The following VTI1A variants were observed in gnomAD, a reference collection of about 807,000 sequenced individuals.
VTI1A encodes the protein vesicle transport through interaction with t-SNAREs homolog 1A.
A neutral mutation model predicts 34.9 loss-of-function variants in VTI1A; 22 were observed. The observed-to-expected ratio is 0.63, with a 90% CI of 0.45 to 0.90. The LOEUF (loss-of-function observed/expected upper bound fraction) is 0.90, where lower values mean the gene tolerates loss of function less well. VTI1A is among the 40% of genes least tolerant of loss of function. VTI1A has a pLI of 0.00. For synonymous variants in VTI1A, 87 were observed against 97.3 expected (o/e 0.89, Z 0.62); for missense variants, 268 against 275.6 (o/e 0.97, Z 0.20).
chr10:112,837,912 T>C, the VTI1A span, among the ~76,000 whole-genome samples: 1 of 152,172 alleles, frequency 6.6e-6, no homozygotes, highest in Non-Finnish European at 1.5e-5. Context: ...AGTACCCAGC[T>C]CAATCCAGGC....
intron 7 of VTI1A, among the ~76,000 whole-genome samples, chr10:112,669,833 A>G (rs1847785263): frequency 6.6e-6 from 1 of 152,208 alleles, no homozygotes; most frequent in Admixed American, 6.6e-5. Flanking sequence ...TCACATATCC[A>G]TATACAATAG....
chr10:112,782,612 G>C (rs1172753072), intron 7 of VTI1A, among the ~76,000 whole-genome samples: 2 of 152,202 alleles, frequency 1.3e-5, no homozygotes, highest in African/African-American at 4.8e-5. Flanking sequence ...GTTCGAGCTG[G>C]TGCCCTAGCC....
chr10:112,761,310 A>T (rs936091802), intron 7 of VTI1A, among the ~76,000 whole-genome samples: 2 of 152,188 alleles, frequency 1.3e-5, no homozygotes, highest in African/African-American at 4.8e-5. Context: ...CTGTCTTAAA[A>T]ACACAGATCT....
intron 5 of VTI1A, among the ~76,000 whole-genome samples, chr10:112,599,091 G>A (rs1189775671): frequency 1.3e-5 from 2 of 152,174 alleles, no homozygotes; most frequent in African/African-American, 2.4e-5. Flanking sequence ...AACAGGAAGA[G>A]TCAACCTTCC....
At chr10:112,597,693 CTTTTTTTTT>C (rs1180451909) in intron 5 of VTI1A, among the ~76,000 whole-genome samples, 2 of 90,638 alleles carry the variant, frequency 2.2e-5, no homozygotes, top group African/African-American at 8.6e-5. Context: ...GACCTTGTCT[CTTTTTTTTT>C]TTTTTTTTTT....
rs1463179079 is a variant in VTI1A at position 112,781,197 on chromosome 10, G to A, written c.561-34093G>A. On this transcript the variant is annotated intron_variant, in intron 7 of 7. Transcript: ENST00000393077. ...TGAGCTCAGGCAGTCTACCCGCCTC[G>A]GCCTCCCAGAGTGCTGGGATTACAG... Among the ~76,000 whole-genome samples the A allele has an allele frequency of 4.0e-5, 6 of 151,878 alleles. No individual in the cohort carries two copies. The South Asian group carries it at 6.2e-4, about 16-fold the overall frequency.
intron 7 of VTI1A, among the ~76,000 whole-genome samples, chr10:112,803,919 T>C (rs972865572): frequency 5.3e-5 from 8 of 152,198 alleles, no homozygotes; most frequent in African/African-American, 1.9e-4. Context: ...GCCCTTTGAT[T>C]GAAGTGAGCT....
rs535191424 is a variant in VTI1A, at chr10:112,788,548, A to G, written c.561-26742A>G. ...CTTTTTAACCTGAAATGTGTCTCTTACAGACAGGATAAAGTTGGGTCTTTT... is the reference window on the plus strand; with the variant it reads ...CTTTTTAACCTGAAATGTGTCTCTTGCAGACAGGATAAAGTTGGGTCTTTT... On this transcript the variant is annotated intron_variant, in intron 7 of 7. Coordinates refer to ENST00000393077, the MANE Select transcript of VTI1A (RefSeq NM_145206.4). Among the ~76,000 whole-genome samples the G allele has an allele frequency of 2.4e-4, 36 of 152,256 alleles. No homozygotes were observed. In the South Asian group the frequency reaches 7.5e-3, roughly 32 times the overall value.
chr10:112,802,579 C>A (rs964216489), intron 7 of VTI1A, among the ~76,000 whole-genome samples: 1 of 152,160 alleles, frequency 6.6e-6, no homozygotes, highest in South Asian at 2.1e-4. Flanking sequence ...TGCAGGCATC[C>A]CTGCTGCCAT....
chr10:112,753,478 C>T (rs766801290), intron 7 of VTI1A, among the ~76,000 whole-genome samples: 25 of 152,224 alleles, frequency 1.6e-4, no homozygotes, highest in Non-Finnish European at 3.4e-4. Context: ...AATTTTCCCT[C>T]CAGGGTTATT....
At chr10:112,528,532 A>C (rs1219714094) in intron 4 of VTI1A, among the ~76,000 whole-genome samples, 1 of 152,154 alleles carries the variant, frequency 6.6e-6, no homozygotes, top group East Asian at 1.9e-4. Context: ...CAAACATAAA[A>C]GGGTGATGTG....
At chr10:112,700,111 C>G (rs1848948580) in intron 7 of VTI1A, among the ~76,000 whole-genome samples, 1 of 137,376 alleles carries the variant, frequency 7.3e-6, no homozygotes, top group African/African-American at 2.8e-5. Context: ...GAGCGAGACT[C>G]CATCTCAAAA....
At chr10:112,662,614 T>C (rs1847501296) in intron 5 of VTI1A, among the ~76,000 whole-genome samples, 3 of 152,220 alleles carry the variant, frequency 2.0e-5, no homozygotes, top group Admixed American at 6.5e-5. Flanking sequence ...CTTTATGTGC[T>C]AACTGTAGTG....
chr10:112,798,858 G>C (rs1012100632), intron 7 of VTI1A, among the ~76,000 whole-genome samples: 1 of 152,138 alleles, frequency 6.6e-6, no homozygotes, highest in Non-Finnish European at 1.5e-5. Context: ...CAGGCCTCCT[G>C]ACCTATAACA....
chr10:112,590,996 G>T (rs1844364969), intron 5 of VTI1A, among the ~76,000 whole-genome samples: 1 of 152,116 alleles, frequency 6.6e-6, no homozygotes, highest in Non-Finnish European at 1.5e-5. Flanking sequence ...AGCTACTCCG[G>T]AGGCTTAGGC....
intron 3 of VTI1A, 95 bp downstream of exon 3, chr10:112,464,752 T>G: frequency 9.4e-7 from 1 of 1,066,600 alleles, no homozygotes; most frequent in South Asian, 1.5e-5. Flanking sequence ...TCTTTTGGGC[T>G]CATGTAGAAG....
At chr10:112,748,984 CA>C (rs1478006509) in intron 7 of VTI1A, among the ~76,000 whole-genome samples, 2 of 152,150 alleles carry the variant, frequency 1.3e-5, no homozygotes, top group African/African-American at 4.8e-5. Flanking sequence ...CTTGGAGTTA[CA>C]GATTTAGTTC....
chr10:112,851,031 G>T, the VTI1A span, among the ~76,000 whole-genome samples: 2 of 152,184 alleles, frequency 1.3e-5, no homozygotes, highest in Admixed American at 6.5e-5. Flanking sequence ...AGACAGAGGC[G>T]CATGTTTCCT....
intron 5 of VTI1A, among the ~76,000 whole-genome samples, chr10:112,580,460 C>G (rs1418520333): frequency 6.6e-6 from 1 of 152,114 alleles, no homozygotes; most frequent in African/African-American, 2.4e-5. Flanking sequence ...ATTGCTGAAC[C>G]ATCGCAAAGG....
Sources: allele counts gnomAD v4.1 joint callset (sites outside exome capture counted in the v4.1 genomes callset), GRCh38; gene constraint gnomAD v4.1.1; transcripts MANE v1.5; gene names NCBI Gene and HGNC (gene_info 2026-07-23, HGNC 2026-07-21).